GRID2: variants seen among roughly 807,000 people sequenced by gnomAD.
GRID2 encodes the protein glutamate receptor ionotropic, delta-2.
In GRID2, 33 loss-of-function variants were observed where a neutral mutation model predicts 114.8. That is an observed-to-expected ratio of 0.29 (90% CI 0.22 to 0.38). The LOEUF is 0.38. Ranked by LOEUF, GRID2 falls within the 10% of genes least tolerant of loss-of-function variation. GRID2 has a pLI of 1.00. For missense variants in GRID2, 1,184 were observed against 1,257.7 expected, an observed-to-expected ratio of 0.94 and a Z score of 0.89; for synonymous variants, 505 against 449.9, an observed-to-expected ratio of 1.12 and a Z score of -1.55.
chr4:93,747,304 G>A lies in GRID2; in HGVS notation c.2361-21906G>A, dbSNP rs181128670. On this transcript the variant is annotated intron_variant, in intron 14 of 15. Transcript: ENST00000282020. ...GTTCCAAAATACATTTATCTCTGCT[G>A]ATCCCTAAAATTTTTCTGAGTGAAC... Among the ~76,000 whole-genome samples, 92 of 152,182 alleles carry A rather than the reference G, an allele frequency of 6.0e-4. No individual in the cohort carries two copies. The South Asian group carries it at 6.4e-3, about 11-fold the overall frequency.
chr4:92,376,627 C>A (rs969423297), intron 1 of GRID2, among the ~76,000 whole-genome samples: 1 of 150,926 alleles, frequency 6.6e-6, no homozygotes, highest in African/African-American at 2.4e-5. Flanking sequence ...TCCACACTGC[C>A]CTAGCAGAGG....
chr4:92,677,643 T>C (rs557658175), intron 2 of GRID2, among the ~76,000 whole-genome samples: 8 of 152,294 alleles, frequency 5.3e-5, no homozygotes, highest in South Asian at 2.1e-4. Flanking sequence ...ATCATTCTGA[T>C]TGATCATGCC....
In GRID2 at chr4:93,404,718, C is replaced by T. The variant is rs768715804; in HGVS notation, c.1347+9010C>T. On this transcript the variant is annotated intron_variant, in intron 9 of 15. Coordinates refer to ENST00000282020, the MANE Select transcript of GRID2 (RefSeq NM_001510.4). ...GTATCCAACTTATGGGTAAGGCAGT[C>T]GGCAAGGCTTAAAGGATGATATTTA... 6.6e-5 allele frequency among the ~76,000 whole-genome samples: 10 copies of T among 151,980 alleles called. No homozygotes were observed. The East Asian group carries it at 7.8e-4, about 12-fold the overall frequency.
intron 2 of GRID2, among the ~76,000 whole-genome samples, chr4:92,749,555 C>A (rs557890279): frequency 6.6e-6 from 1 of 151,476 alleles, no homozygotes; most frequent in Non-Finnish European, 1.5e-5. Flanking sequence ...CCTCGTGATC[C>A]GCCCGCCTCG....
At chr4:93,231,843 A>G (rs1445813565) in intron 7 of GRID2, among the ~76,000 whole-genome samples, 2 of 152,156 alleles carry the variant, frequency 1.3e-5, no homozygotes, top group Non-Finnish European at 2.9e-5. Flanking sequence ...AGCACTTCAA[A>G]TAAACCTTCT....
Position 93,613,986 on chromosome 4 carries a change from T to C in GRID2, c.2194-12283T>C, listed in dbSNP as rs1040624335. On this transcript the variant is annotated intron_variant, in intron 13 of 15. Coordinates refer to ENST00000282020, the MANE Select transcript of GRID2 (RefSeq NM_001510.4). ...GAGATTCCGTGGGCGTAGGACCCTC[T>C]GAGCCAGGTGTGGGATATAGTCTCG... Among the ~76,000 whole-genome samples, 60 of 151,994 alleles carry C rather than the reference T, an allele frequency of 3.9e-4. 1 individual carries two copies. Among genetic ancestry groups the C allele is most frequent in the African/African-American group, 6.7e-4 (28 of 41,520 alleles).
intron 1 of GRID2, among the ~76,000 whole-genome samples, chr4:92,549,764 C>T (rs1726481901): frequency 6.6e-6 from 1 of 151,958 alleles, no homozygotes; most frequent in Admixed American, 6.6e-5. Context: ...AGATGATGCC[C>T]GTGATGTTTC....
intron 8 of GRID2, among the ~76,000 whole-genome samples, chr4:93,386,953 A>G (rs557272697): frequency 3.1e-4 from 47 of 152,270 alleles, no homozygotes; most frequent in African/African-American, 1.1e-3. Flanking sequence ...CAGGGGTCCT[A>G]AGTCCTTGAC....
Position 92,823,492 on chromosome 4 carries a change from C to A in GRID2, c.244+233206C>A, listed in dbSNP as rs150577547. ...GCAAATTATGCTGTCTATAGTCACACAGATAGAAAGGTTGGAACCTGGATG... is the reference window on the plus strand; with the variant it reads ...GCAAATTATGCTGTCTATAGTCACAAAGATAGAAAGGTTGGAACCTGGATG... On this transcript the variant is annotated intron_variant, in intron 2 of 15. Coordinates refer to ENST00000282020, the MANE Select transcript of GRID2 (RefSeq NM_001510.4). Among the ~76,000 whole-genome samples, 579 of 152,186 alleles carry A rather than the reference C, an allele frequency of 3.8e-3. 2 individuals are homozygous for A. The highest frequency in any genetic ancestry group is 0.013 in the African/African-American group (551 of 41,536).
At chr4:93,266,225 C>T (rs1750813149) in intron 8 of GRID2, among the ~76,000 whole-genome samples, 1 of 152,044 alleles carries the variant, frequency 6.6e-6, no homozygotes, top group African/African-American at 2.4e-5. Context: ...TTTTTTTTCT[C>T]ATCAACATTA....
At chr4:93,321,027 T>A (rs938837822) in intron 8 of GRID2, among the ~76,000 whole-genome samples, 3 of 152,024 alleles carry the variant, frequency 2.0e-5, no homozygotes, top group Non-Finnish European at 2.9e-5. Context: ...ATGTCACCCT[T>A]CATAGTTGCC....
At chr4:92,989,476 C>T (rs1754732592) in intron 2 of GRID2, among the ~76,000 whole-genome samples, 1 of 150,858 alleles carries the variant, frequency 6.6e-6, no homozygotes, top group Non-Finnish European at 1.5e-5. Context: ...ACTCCTTCAC[C>T]GAGATGGCTT....
chr4:92,777,273 A>T (rs1048164922), intron 2 of GRID2, among the ~76,000 whole-genome samples: 25 of 152,038 alleles, frequency 1.6e-4, no homozygotes, highest in African/African-American at 6.0e-4. Flanking sequence ...AAATTTTTTA[A>T]AAATACTATA....
rs549341183 is a variant in GRID2, at chr4:92,572,487, A to G, written c.89-17644A>G. 2.9e-3 allele frequency among the ~76,000 whole-genome samples: 449 copies of G among 152,304 alleles called. 5 individuals are homozygous for G. The highest frequency in any genetic ancestry group is 5.0e-3 in the Non-Finnish European group (338 of 68,022). ...AGGAGCTGGTACCATTCCTTCTGAA[A>G]TGATTCCAATCAATAGAAAAAGAGG... On this transcript the variant is annotated intron_variant, in intron 1 of 15. Transcript: ENST00000282020.
chr4:93,064,078 A>G (rs530396787), intron 2 of GRID2, among the ~76,000 whole-genome samples: 1 of 149,726 alleles, frequency 6.7e-6, no homozygotes, highest in Non-Finnish European at 1.5e-5. Flanking sequence ...TACAATGTTA[A>G]TGGTATACAC....
At chr4:93,523,849 A>G (rs1370707980) in intron 13 of GRID2, among the ~76,000 whole-genome samples, 1 of 152,184 alleles carries the variant, frequency 6.6e-6, no homozygotes, top group Non-Finnish European at 1.5e-5. Context: ...GCTCTGCACC[A>G]TGTTGCACAA....
chr4:92,721,975 T>A (rs966692341), intron 2 of GRID2, among the ~76,000 whole-genome samples: 3 of 152,124 alleles, frequency 2.0e-5, no homozygotes, highest in Non-Finnish European at 4.4e-5. Context: ...TGTATCTCTA[T>A]CACCTGCAGG....
At chr4:92,681,020 TAAAAG>T (rs1239044079) in intron 2 of GRID2, among the ~76,000 whole-genome samples, 1 of 152,004 alleles carries the variant, frequency 6.6e-6, no homozygotes, top group Non-Finnish European at 1.5e-5. Flanking sequence ...ATTTAAAGAA[TAAAAG>T]AAATTTGAGA....
intron 1 of GRID2, among the ~76,000 whole-genome samples, chr4:92,457,833 T>A (rs543697785): frequency 6.6e-6 from 1 of 152,196 alleles, no homozygotes; most frequent in East Asian, 1.9e-4. Context: ...CCTGTCTGTT[T>A]GCAAGGATTT....
Sources: allele counts gnomAD v4.1 joint callset (sites outside exome capture counted in the v4.1 genomes callset), GRCh38; gene constraint gnomAD v4.1.1; transcripts MANE v1.5; gene names NCBI Gene and HGNC (gene_info 2026-07-23, HGNC 2026-07-21).